The following DSE variants were observed in gnomAD, a reference collection of about 807,000 sequenced individuals.
DSE encodes dermatan-sulfate epimerase.
Under a neutral mutation model 84.4 loss-of-function variants are expected in DSE, and 36 were observed. That is an observed-to-expected ratio of 0.43 (90% CI 0.33 to 0.56). The LOEUF is 0.56. DSE is among the 20% of genes least tolerant of loss of function. The pLI is 0.06. For missense variants in DSE, 862 were observed against 1,169.6 expected (o/e 0.74, Z 3.84); for synonymous variants, 410 against 430.1 (o/e 0.95, Z 0.58).
intron 2 of DSE, among the ~76,000 whole-genome samples, chr6:116,406,308 C>T (rs1393197287): frequency 2.0e-5 from 3 of 152,164 alleles, no homozygotes; most frequent in Non-Finnish European, 4.4e-5. Flanking sequence ...GTGCCCCTCA[C>T]CCCATATGAA....
At chr6:116,313,089 A>T (rs967845042) in intron 2 of DSE, among the ~76,000 whole-genome samples, 1 of 152,206 alleles carries the variant, frequency 6.6e-6, no homozygotes, top group East Asian at 1.9e-4. Flanking sequence ...GTATCCTTAT[A>T]AGAAGATCCC....
chr6:116,430,817 C>A, intron 3 of DSE, 137 bp from the exon 4 acceptor site: 1 of 1,184,566 alleles, frequency 8.4e-7, no homozygotes, highest in Non-Finnish European at 1.2e-6. Flanking sequence ...TATTTATACA[C>A]TGACAAGTTG....
At chr6:116,410,429 T>A (rs1004506383) in intron 2 of DSE, among the ~76,000 whole-genome samples, 3 of 152,044 alleles carry the variant, frequency 2.0e-5, no homozygotes, top group African/African-American at 7.2e-5. Flanking sequence ...AAATGTCTTT[T>A]AAGGCTTCAA....
intron 2 of DSE, among the ~76,000 whole-genome samples, chr6:116,298,328 C>A (rs916748685): frequency 5.9e-5 from 9 of 152,122 alleles, no homozygotes; most frequent in African/African-American, 2.2e-4. Context: ...CATCAGCTGA[C>A]CTTGAGATAG....
intron 2 of DSE, chr6:116,277,273 T>C (rs886798060): frequency 1.3e-5 from 2 of 152,692 alleles, no homozygotes; most frequent in Non-Finnish European, 2.9e-5. Context: ...GCAACATATT[T>C]AACACTTTAA....
At chr6:116,371,321 C>G (rs1779548972) in intron 1 of DSE, among the ~76,000 whole-genome samples, 200 bp downstream of exon 1, 1 of 152,220 alleles carries the variant, frequency 6.6e-6, no homozygotes, top group African/African-American at 2.4e-5. Context: ...ACGCGTGAAG[C>G]CTGAGCCACG....
chr6:116,295,093 A>T (rs1774576626), intron 2 of DSE, among the ~76,000 whole-genome samples: 1 of 152,172 alleles, frequency 6.6e-6, no homozygotes, highest in Admixed American at 6.5e-5. Flanking sequence ...ATATTCTACC[A>T]AGTACAAGCT....
At chr6:116,295,204 G>A (rs1304634340) in intron 2 of DSE, among the ~76,000 whole-genome samples, 2 of 152,144 alleles carry the variant, frequency 1.3e-5, no homozygotes, top group African/African-American at 2.4e-5. Flanking sequence ...GAAGAAAGGT[G>A]GGAGAGGAGA....
chr6:116,348,489 G>C (rs868670635), intron 2 of DSE, among the ~76,000 whole-genome samples: 1 of 151,912 alleles, frequency 6.6e-6, no homozygotes, highest in Non-Finnish European at 1.5e-5. Context: ...GTGCTGGAGA[G>C]GATGTGGAGA....
chr6:116,341,189 G>T (rs907885727), intron 2 of DSE, among the ~76,000 whole-genome samples: 1 of 152,200 alleles, frequency 6.6e-6, no homozygotes, highest in Non-Finnish European at 1.5e-5. Flanking sequence ...TAACTGACAT[G>T]AGATGGTATC....
chr6:116,300,396 G>A (rs550966250), intron 2 of DSE, among the ~76,000 whole-genome samples: 2 of 152,142 alleles, frequency 1.3e-5, no homozygotes, highest in South Asian at 2.1e-4. Flanking sequence ...GAAAAGCCTC[G>A]CTTCAAATGC....
intron 2 of DSE, chr6:116,288,027 T>G (rs1338014324): frequency 6.6e-6 from 1 of 152,124 alleles, no homozygotes; most frequent in African/African-American, 2.4e-5. Flanking sequence ...CAATGTATTT[T>G]TCTCAGACAA....
intron 2 of DSE, chr6:116,400,645 A>G (rs1781535594): frequency 6.6e-6 from 1 of 152,212 alleles, no homozygotes; most frequent in Non-Finnish European, 1.5e-5. Flanking sequence ...CATTAAATCC[A>G]TATCAGAGCT....
At chr6:116,291,303 T>C (rs2114673807) in intron 2 of DSE, among the ~76,000 whole-genome samples, 1 of 152,244 alleles carries the variant, frequency 6.6e-6, no homozygotes, top group African/African-American at 2.4e-5. Flanking sequence ...ATAGGAAATT[T>C]GTATTCCTAT....
chr6:116,346,236 A>G (rs1287740905), intron 2 of DSE, among the ~76,000 whole-genome samples: 1 of 152,248 alleles, frequency 6.6e-6, no homozygotes, highest in African/African-American at 2.4e-5. Flanking sequence ...TCCAATCAAT[A>G]GAAAAAGTGG....
intron 2 of DSE, among the ~76,000 whole-genome samples, chr6:116,281,736 T>C (rs756094520): frequency 2.0e-5 from 3 of 152,242 alleles, no homozygotes; most frequent in Admixed American, 6.5e-5. Context: ...CCATAGATTA[T>C]TAAAATGTTA....
chr6:116,287,719 C>T (rs1774010338), intron 2 of DSE, among the ~76,000 whole-genome samples: 2 of 152,132 alleles, frequency 1.3e-5, no homozygotes, highest in African/African-American at 4.8e-5. Context: ...TATCTAGCAT[C>T]CATGACACCA....
At chr6:116,335,449 A>G (rs1777185746) in intron 2 of DSE, among the ~76,000 whole-genome samples, 1 of 152,186 alleles carries the variant, frequency 6.6e-6, no homozygotes, top group Admixed American at 6.6e-5. Context: ...CTGGGTGACA[A>G]AAAAATCTGT....
At chr6:116,287,882 A>T (rs1156966506) in intron 2 of DSE, among the ~76,000 whole-genome samples, 1 of 152,112 alleles carries the variant, frequency 6.6e-6, no homozygotes, top group East Asian at 1.9e-4. Flanking sequence ...CACTAGAGGG[A>T]GCAACTGGTC....
Sources: allele counts gnomAD v4.1 joint callset (sites outside exome capture counted in the v4.1 genomes callset), GRCh38; gene constraint gnomAD v4.1.1; transcripts MANE v1.5; gene names NCBI Gene and HGNC (gene_info 2026-07-23, HGNC 2026-07-21).